Variants in EHD3 observed in about 807,000 individuals in gnomAD.
The protein encoded by EHD3 is EH domain containing 3, also known as EH domain-containing protein 3.
A neutral mutation model predicts 43.0 loss-of-function variants in EHD3; 17 were observed. The ratio of observed to expected loss-of-function variants is 0.40; its 90% CI spans 0.27 to 0.59. EHD3 has a LOEUF of 0.59. Ranked by LOEUF, EHD3 falls within the 20% of genes least tolerant of loss-of-function variation. The pLI, the probability that EHD3 is intolerant of heterozygous loss-of-function variation, is 0.49. For missense variants in EHD3, 594 were observed against 705.6 expected (o/e 0.84, Z 1.79); for synonymous variants, 313 against 289.5 (o/e 1.08, Z -0.82).
Position 31,260,899 on chromosome 2 carries a change from A to G in EHD3, c.892A>G (p.Ile298Val). 2 of 1,611,220 alleles carry G rather than the reference A, an allele frequency of 1.2e-6. No individual in the cohort carries two copies. The highest frequency in any genetic ancestry group is 1.7e-6 in the Non-Finnish European group (2 of 1,178,532). Residue 298 changes from isoleucine (I) to valine (V), a missense_variant, in exon 4 of 6, where the codon ATC (isoleucine) becomes GTC (valine). Ile to Val is a conservative substitution (Grantham distance 29). Around this residue, in one of 3 missense-constraint regions of EHD3, gnomAD observed 322 missense variants for 348.0 expected, o/e 0.93. Transcript: ENST00000322054. This position sits in a 1 kb window ranked among gnomAD's most constrained non-coding sequence, Gnocchi z 4.6. The stretch of plus-strand genomic sequence containing the variant: ...TGCCCTGCGCAAGCTCAACGACCTC[A>G]TCAAAAGGGCCAGGCTGGCCAAGGT... ...NAALRKLNDL[I>V]KRARLAKVHA...
intron 2 of EHD3, among the ~76,000 whole-genome samples, chr2:31,246,185 C>T (rs967710903): frequency 6.6e-6 from 1 of 151,944 alleles, no homozygotes; most frequent in Non-Finnish European, 1.5e-5. Context: ...GGGCAGGTGT[C>T]CTGGAGTCCA....
intron 3 of EHD3, among the ~76,000 whole-genome samples, chr2:31,259,599 C>T (rs139513920): frequency 6.6e-6 from 1 of 152,242 alleles, no homozygotes; most frequent in African/African-American, 2.4e-5. Context: ...AGGAAGAAAC[C>T]CCTTGTGGTT....
At chr2:31,264,118 TA>T (rs1418728040) in intron 5 of EHD3, among the ~76,000 whole-genome samples, 1 of 152,174 alleles carries the variant, frequency 6.6e-6, no homozygotes, top group African/African-American at 2.4e-5. Flanking sequence ...GTGAACACCA[TA>T]GAATGTATAT....
intron 2 of EHD3, among the ~76,000 whole-genome samples, chr2:31,248,359 C>T (rs1024574456): frequency 3.3e-5 from 5 of 152,174 alleles, no homozygotes; most frequent in Non-Finnish European, 7.3e-5. Context: ...CCTCTGCCTC[C>T]AGGAAGCCAT....
chr2:31,261,320 G>A (rs895426816), intron 4 of EHD3, among the ~76,000 whole-genome samples: 27 of 152,246 alleles, frequency 1.8e-4, no homozygotes, highest in African/African-American at 6.3e-4. Context: ...ACCTCACCCT[G>A]CCTTGACCAT....
intron 2 of EHD3, among the ~76,000 whole-genome samples, chr2:31,245,253 C>T (rs972394762): frequency 6.6e-6 from 1 of 152,088 alleles, no homozygotes; most frequent in Non-Finnish European, 1.5e-5. Flanking sequence ...AATACTGTGG[C>T]TCTTGAACAA....
At chr2:31,244,684 A>G (rs560316332) in intron 2 of EHD3, among the ~76,000 whole-genome samples, 1 of 152,296 alleles carries the variant, frequency 6.6e-6, no homozygotes, top group East Asian at 1.9e-4. Flanking sequence ...GAAGGATACA[A>G]CAATGACTCA....
intron 1 of EHD3, among the ~76,000 whole-genome samples, chr2:31,243,448 C>CTTTTTTTTTTTTTTTTT (rs1310045883): frequency 3.0e-5 from 2 of 67,006 alleles, no homozygotes; most frequent in Non-Finnish European, 2.7e-5. Flanking sequence ...TTCTTTCTTT[C>CTTTTTTTTTTTTTTTTT]TTTCTTTCTT....
chr2:31,239,195 G>C (rs1286492780), intron 1 of EHD3, among the ~76,000 whole-genome samples: 1 of 152,210 alleles, frequency 6.6e-6, no homozygotes, highest in Non-Finnish European at 1.5e-5. Flanking sequence ...TGGTTCTCCA[G>C]AAAGCCAAAG....
intron 5 of EHD3, among the ~76,000 whole-genome samples, chr2:31,262,013 T>C (rs1683868181): frequency 6.6e-6 from 1 of 152,210 alleles, no homozygotes; most frequent in Non-Finnish European, 1.5e-5. Context: ...CACCACAGGC[T>C]TGACGTCCCC....
At chr2:31,250,911 C>G (rs1055598287) in intron 3 of EHD3, among the ~76,000 whole-genome samples, 6 of 152,234 alleles carry the variant, frequency 3.9e-5, no homozygotes, top group Non-Finnish European at 5.9e-5. Context: ...CCTTCACCCT[C>G]TGTGCTCTGT....
rs1683982931 is a variant in EHD3 at position 31,267,699 on chromosome 2, G to A, written c.*995G>A. The A allele has an allele frequency of 6.6e-6, 1 of 152,498 alleles. No homozygotes were observed. Among genetic ancestry groups the A allele is most frequent in the South Asian group, 2.1e-4 (1 of 4,818 alleles). The allele number at this position is 152,498 out of a possible 1,614,324, so 9.4% of individuals were successfully genotyped here. On this transcript the variant is annotated 3_prime_UTR_variant, in exon 6 of 6. Coordinates refer to ENST00000322054, the MANE Select transcript of EHD3 (RefSeq NM_014600.3). Reference sequence around the variant, plus strand: ...GAGAGGATTCAAAGCCAGGGCCTCAGACCCTCACACACTTGTCTGTGCTAT... The same window carrying A: ...GAGAGGATTCAAAGCCAGGGCCTCAAACCCTCACACACTTGTCTGTGCTAT...
chr2:31,237,978 A>G (rs1410794755), intron 1 of EHD3, among the ~76,000 whole-genome samples: 1 of 150,456 alleles, frequency 6.6e-6, no homozygotes, highest in Admixed American at 6.6e-5. Context: ...TTTTTCCTAT[A>G]TTGTGTGTGT....
chr2:31,242,131 T>C (rs1038650758), intron 1 of EHD3, among the ~76,000 whole-genome samples: 1 of 152,134 alleles, frequency 6.6e-6, no homozygotes, highest in African/African-American at 2.4e-5. Flanking sequence ...TTAACTACCA[T>C]GGAACTGCAG....
At chr2:31,251,711 C>G (rs1683639187) in intron 3 of EHD3, among the ~76,000 whole-genome samples, 1 of 152,102 alleles carries the variant, frequency 6.6e-6, no homozygotes, top group Non-Finnish European at 1.5e-5. Flanking sequence ...AACCCCTGGC[C>G]TGGGAAAATA....
chr2:31,234,564 T>C lies in EHD3; in HGVS notation c.-58T>C, dbSNP rs1486681219. 2 of 1,587,406 alleles carry C rather than the reference T, an allele frequency of 1.3e-6. No homozygotes were observed. The highest frequency in any genetic ancestry group is 1.7e-6 in the Non-Finnish European group (2 of 1,163,134). On this transcript the variant is annotated 5_prime_UTR_variant, in exon 1 of 6. Transcript: ENST00000322054. ...CGGCGGACCGGTCCTACGGGACATC[T>C]TCCCCTGAGGAGGAGTCTTCCCCTG...
chr2:31,264,263 T>G (rs1315034973), intron 5 of EHD3, among the ~76,000 whole-genome samples: 1 of 152,160 alleles, frequency 6.6e-6, no homozygotes, highest in African/African-American at 2.4e-5. Flanking sequence ...TATTTGTGTA[T>G]CTAAACATAG....
At chr2:31,242,802 T>C (rs1215869167) in intron 1 of EHD3, among the ~76,000 whole-genome samples, 2 of 151,120 alleles carry the variant, frequency 1.3e-5, no homozygotes, top group East Asian at 2.0e-4. Flanking sequence ...CTACTAAAAA[T>C]ACAAAAAATT....
At chr2:31,253,246 C>CCACACACA (rs34392955) in intron 3 of EHD3, among the ~76,000 whole-genome samples, 332 of 142,096 alleles carry the variant, frequency 2.3e-3, no homozygotes, top group African/African-American at 4.6e-3. Context: ...CAACCCCCTC[C>CCACACACA]CACACACACA....
Sources: gnomAD v4.1 joint callset for allele counts (sites outside exome capture counted in the v4.1 genomes callset) on GRCh38, gnomAD v4.1.1 for gene constraint, gnomAD v4.1.1 regional missense constraint, Gnocchi (gnomAD v3.1) non-coding constraint, MANE v1.5 for transcripts, NCBI Gene and HGNC (gene_info 2026-07-23, HGNC 2026-07-21) for gene names.